The following PCDHAC2 variants were observed in gnomAD, a reference collection of about 807,000 sequenced individuals.
PCDHAC2 encodes the protein protocadherin alpha-C2.
Under a neutral mutation model 63.3 loss-of-function variants are expected in PCDHAC2, and 24 were observed. That is an observed-to-expected ratio of 0.38 (90% CI 0.27 to 0.53). The LOEUF (loss-of-function observed/expected upper bound fraction) is 0.53. PCDHAC2 is among the 20% of genes least tolerant of loss of function. The probability of loss-of-function intolerance (pLI) is 0.81; values close to 1 mark genes in which losing one functional copy is unlikely to be tolerated. For missense variants in PCDHAC2, 1,181 were observed against 1,275.2 expected, an observed-to-expected ratio of 0.93 and a Z score of 1.12; for synonymous variants, 569 against 529.4, an observed-to-expected ratio of 1.07 and a Z score of -1.03.
intron 3 of PCDHAC2, among the ~76,000 whole-genome samples, chr5:140,999,630 A>G (rs2097866462): frequency 1.3e-5 from 2 of 152,210 alleles, no homozygotes; most frequent in Non-Finnish European, 2.9e-5. Context: ...GAAACAAGGT[A>G]GAGAAAACTG....
Position 141,010,222 on chromosome 5 carries a change from C to T in PCDHAC2, c.*285C>T. 6.4e-7 allele frequency: 1 copy of T among 1,551,730 alleles called. No homozygotes were observed. The highest frequency in any genetic ancestry group is 2.4e-5 in the East Asian group (1 of 40,912). ...CCTCCGCCGCAAAGGAGAGGCTTCC[C>T]AGCCCCGCCAGTGAGAGGTTGGACT... On this transcript the variant is annotated 3_prime_UTR_variant, in exon 4 of 4. Transcript: ENST00000289269.
chr5:140,968,855 A>G lies in PCDHAC2; in HGVS notation c.2089A>G (p.Ser697Gly), dbSNP rs2096275634. 1.2e-6 allele frequency: 2 copies of G among 1,614,198 alleles called. No individual in the cohort carries two copies. The highest frequency in any genetic ancestry group is 1.7e-6 in the Non-Finnish European group (2 of 1,180,042). Residue 697 changes from serine to glycine, a missense_variant, in exon 1 of 4, where the codon AGC becomes GGC. Physicochemically the swap from Ser to Gly is moderately conservative, Grantham distance 56. Transcript: ENST00000289269. ...CCCTGACACTCAGAGGCATGTTAAG[A>G]GCCCTCGGACATACTCTGAAATTAC... ...ILPDTQRHVK[S>G]PRTYSEITLY...
intron 3 of PCDHAC2, among the ~76,000 whole-genome samples, chr5:140,990,425 T>G (rs1268987059): frequency 6.6e-6 from 1 of 152,214 alleles, no homozygotes; most frequent in Non-Finnish European, 1.5e-5. Context: ...CAACCAGCAT[T>G]GACCCAATCT....
intron 3 of PCDHAC2, among the ~76,000 whole-genome samples, chr5:141,006,789 C>T (rs1388215052): frequency 6.6e-6 from 1 of 152,026 alleles, no homozygotes; most frequent in Non-Finnish European, 1.5e-5. Flanking sequence ...GAATAATTAG[C>T]TTTGAACTTT....
chr5:141,006,646 A>G (rs1478861419), intron 3 of PCDHAC2, among the ~76,000 whole-genome samples: 1 of 152,206 alleles, frequency 6.6e-6, no homozygotes, highest in African/African-American at 2.4e-5. Flanking sequence ...ATAAGAGATG[A>G]TGGTGTCCTG....
intron 1 of PCDHAC2, among the ~76,000 whole-genome samples, chr5:140,974,825 A>G (rs2096642596): frequency 6.6e-6 from 1 of 152,198 alleles, no homozygotes; most frequent in Admixed American, 6.5e-5. Flanking sequence ...ATGCAACATA[A>G]TGATTATTTT....
intron 3 of PCDHAC2, among the ~76,000 whole-genome samples, chr5:140,999,721 G>T (rs2097872214): frequency 6.6e-6 from 1 of 152,150 alleles, no homozygotes; most frequent in South Asian, 2.1e-4. Flanking sequence ...ACGGAGACCA[G>T]CCATTCCAAT....
intron 3 of PCDHAC2, among the ~76,000 whole-genome samples, chr5:140,989,548 T>G (rs914557459): frequency 1.3e-5 from 2 of 152,166 alleles, no homozygotes; most frequent in Non-Finnish European, 2.9e-5. Flanking sequence ...TGTAATTCCT[T>G]TACGTTTTGT....
rs2096279642 is a variant in PCDHAC2 at position 140,968,919 on chromosome 5, T to C, written c.2153T>C (p.Ile718Thr). 1.2e-6 allele frequency: 2 copies of C among 1,614,116 alleles called. No individual in the cohort carries two copies. The highest frequency in any genetic ancestry group is 1.1e-5 in the South Asian group (1 of 91,086). The change falls in exon 1 of 4, where the codon ATA (isoleucine) becomes ACA (threonine). Residue 718 changes from isoleucine (I) to threonine (T), a missense_variant. By Grantham distance (89) the Ile-to-Thr change is moderately conservative. This residue lies in a region of PCDHAC2 where 968 missense variants were observed against 1,073.5 expected (regional missense o/e 0.90). Coordinates refer to ENST00000289269, the MANE Select transcript of PCDHAC2 (RefSeq NM_018899.6). Reference sequence around the variant, plus strand: ...ATAGCATTAAGCACAGTGTCTTTTATATTTCTTTTGACAATCATCATTTTG... The same window carrying C: ...ATAGCATTAAGCACAGTGTCTTTTACATTTCTTTTGACAATCATCATTTTG... ...LIIALSTVSFIFLLTIIILSI... is the reference protein window; with the variant it reads ...LIIALSTVSFTFLLTIIILSI...
chr5:141,009,573 G>T, intron 3 of PCDHAC2, 54 bp from the exon 4 acceptor site: 2 of 1,580,662 alleles, frequency 1.3e-6, no homozygotes, highest in South Asian at 1.2e-5. Context: ...CAGCAGTGTG[G>T]CATCAAGAGC....
Position 141,009,541 on chromosome 5 carries a change from A to G in PCDHAC2, c.2714-86A>G. 8 of 1,530,282 alleles carry G rather than the reference A, an allele frequency of 5.2e-6. No homozygotes were observed. The South Asian group carries it at 6.6e-5, about 13-fold the overall frequency. 94.8% of individuals were successfully genotyped at this position (1,530,282 alleles called of 1,614,324 possible). Reference sequence around the variant, plus strand: ...TTTTCTGGGGAGGTTCAGCCTGCCTATGCAGTACTCCTGTACTCTACCAGC... The same window carrying G: ...TTTTCTGGGGAGGTTCAGCCTGCCTGTGCAGTACTCCTGTACTCTACCAGC... On this transcript the variant is annotated intron_variant, in intron 3 of 3. Coordinates refer to ENST00000289269, the MANE Select transcript of PCDHAC2 (RefSeq NM_018899.6).
At chr5:140,978,587 T>C (rs1260706970) in intron 1 of PCDHAC2, among the ~76,000 whole-genome samples, 5 of 152,250 alleles carry the variant, frequency 3.3e-5, no homozygotes, top group Admixed American at 6.5e-5. Context: ...GAATGTTCCC[T>C]TAATGGGGCA....
chr5:141,000,421 A>ATTTTTTTT (rs34755515), intron 3 of PCDHAC2, among the ~76,000 whole-genome samples: 2 of 27,968 alleles, frequency 7.2e-5, no homozygotes, highest in Admixed American at 6.5e-4. Context: ...ATATATATAT[A>ATTTTTTTT]TTTTTTTTTT....
chr5:140,974,456 A>G (rs957426015), intron 1 of PCDHAC2, among the ~76,000 whole-genome samples: 2 of 152,230 alleles, frequency 1.3e-5, no homozygotes, highest in Non-Finnish European at 2.9e-5. Context: ...AAATGACTAC[A>G]TTCAGAGGAA....
chr5:140,986,011 T>A (rs1172713730), intron 3 of PCDHAC2, among the ~76,000 whole-genome samples: 1 of 152,184 alleles, frequency 6.6e-6, no homozygotes, highest in Non-Finnish European at 1.5e-5. Flanking sequence ...AGTGCTGGGA[T>A]TACAGGCGTG....
At chr5:140,982,748 G>C (rs2097001127) in intron 3 of PCDHAC2, among the ~76,000 whole-genome samples, 185 bp downstream of exon 3, 1 of 151,896 alleles carries the variant, frequency 6.6e-6, no homozygotes, top group African/African-American at 2.4e-5. Flanking sequence ...TGCTCTTCAG[G>C]AGTTGAAAAA....
At chr5:140,970,152 A>G (rs899776182) in intron 1 of PCDHAC2, among the ~76,000 whole-genome samples, 22 of 152,224 alleles carry the variant, frequency 1.4e-4, no homozygotes, top group Non-Finnish European at 2.5e-4. Flanking sequence ...AATTCTCCCA[A>G]TAGTCACCTT....
At chr5:140,982,353 C>G (rs2096979519) in intron 2 of PCDHAC2, 122 bp from the exon 3 acceptor site, 1 of 1,509,284 alleles carries the variant, frequency 6.6e-7, no homozygotes, top group East Asian at 2.4e-5. Flanking sequence ...TCAGTTCAAG[C>G]ATGAGCAGAA....
chr5:140,994,962 T>C (rs2097657475), intron 3 of PCDHAC2, among the ~76,000 whole-genome samples: 2 of 152,208 alleles, frequency 1.3e-5, no homozygotes, highest in Admixed American at 1.3e-4. Flanking sequence ...TGTAGTTTCA[T>C]TTGTTGGCCA....
Sources: allele counts gnomAD v4.1 joint callset (sites outside exome capture counted in the v4.1 genomes callset), GRCh38; gene constraint gnomAD v4.1.1; regional missense constraint gnomAD v4.1.1; transcripts MANE v1.5; gene names NCBI Gene and HGNC (gene_info 2026-07-23, HGNC 2026-07-21).